Variants in POC5 observed in about 807,000 individuals in gnomAD.
POC5 encodes the protein POC5 centriolar protein.
Under a neutral mutation model 62.9 loss-of-function variants are expected in POC5, and 48 were observed. The ratio of observed to expected loss-of-function variants is 0.76; its 90% CI spans 0.61 to 0.97. The LOEUF is 0.97. Ranked by LOEUF, POC5 falls within the 50% of genes least tolerant of loss-of-function variation. POC5 has a pLI of 0.00. For synonymous variants in POC5, 236 were observed against 228.2 expected (o/e 1.03, Z -0.31); for missense variants, 696 against 679.5 (o/e 1.02, Z -0.27).
intron 5 of POC5, among the ~76,000 whole-genome samples, chr5:75,700,061 A>G (rs932272292): frequency 1.3e-5 from 2 of 151,872 alleles, no homozygotes; most frequent in Non-Finnish European, 2.9e-5. Context: ...GCTCAAGGAA[A>G]TAAAAGAGGA....
intron 6 of POC5, among the ~76,000 whole-genome samples, chr5:75,693,535 T>C (rs1776434544): frequency 6.6e-6 from 1 of 152,174 alleles, no homozygotes; most frequent in South Asian, 2.1e-4. Flanking sequence ...TTCTTTGTGA[T>C]ACTTCAAAAT....
chr5:75,709,223 G>A (rs566064294), intron 2 of POC5, among the ~76,000 whole-genome samples: 1 of 152,282 alleles, frequency 6.6e-6, no homozygotes, highest in Non-Finnish European at 1.5e-5. Context: ...CGACAGAAGA[G>A]GAAGAGAGAG....
chr5:75,690,350 A>T, intron 8 of POC5, 33 bp downstream of exon 8: 2 of 1,555,648 alleles, frequency 1.3e-6, no homozygotes, highest in Non-Finnish European at 1.7e-6. Flanking sequence ...TTATTGTATT[A>T]GAAGAAAGTG....
chr5:75,701,199 A>G (rs1239017207), intron 5 of POC5, among the ~76,000 whole-genome samples: 1 of 142,268 alleles, frequency 7.0e-6, no homozygotes, highest in Non-Finnish European at 1.6e-5. Context: ...ATACCATTTG[A>G]CCCAGCCATC....
intron 10 of POC5, among the ~76,000 whole-genome samples, chr5:75,679,519 A>T (rs1862219): frequency 0.21 from 31,728 of 151,990 alleles, 5,075 homozygotes; most frequent in African/African-American, 0.42. Context: ...ATGTTTTTGG[A>T]AGACCCTATG....
intron 8 of POC5, chr5:75,689,389 G>A: frequency 1.0e-6 from 1 of 985,108 alleles, no homozygotes; most frequent in Non-Finnish European, 1.2e-6. Context: ...GTTCAAACAA[G>A]GGGAATTTTA....
At chr5:75,710,133 A>G (rs772360664) in intron 2 of POC5, among the ~76,000 whole-genome samples, 6 of 152,214 alleles carry the variant, frequency 3.9e-5, no homozygotes, top group Non-Finnish European at 7.3e-5. Context: ...ATGGTACAGC[A>G]AAAAGAGAGA....
chr5:75,677,425 G>A (rs1173082446), intron 11 of POC5: 1 of 155,506 alleles, frequency 6.4e-6, no homozygotes, highest in African/African-American at 2.4e-5. Flanking sequence ...AGCAGCTAGT[G>A]AGTGAACAAT....
In POC5 at chr5:75,702,738, G is replaced by T; in HGVS notation, c.380C>A (p.Ala127Asp). The change falls in exon 5 of 12, where the codon GCT becomes GAT. Residue 127 changes from alanine (A) to aspartate (D), a missense_variant. By Grantham distance (126) the Ala-to-Asp change is moderately radical. Coordinates refer to ENST00000428202, the MANE Select transcript of POC5 (RefSeq NM_001099271.2). ...ATTTGTTGCTGGTGAGGAAGAGTCA[G>T]CTAAAAGATGTGAACTGAAAAAATC... ...VMDFFSSHLLADSSSPATNSS... is the reference protein window; with the variant it reads ...VMDFFSSHLLDDSSSPATNSS... 6.2e-7 allele frequency: 1 copy of T among 1,603,222 alleles called. No individual in the cohort carries two copies. Among genetic ancestry groups the T allele is most frequent in the Non-Finnish European group, 8.5e-7 (1 of 1,174,390 alleles).
In POC5 at chr5:75,717,285, GC is replaced by G. The variant is rs1223792404; in HGVS notation, c.-15+20del. On this transcript the variant is annotated intron_variant, in intron 1 of 11. Coordinates refer to ENST00000428202, the MANE Select transcript of POC5 (RefSeq NM_001099271.2). ...CCAGGGATGCAGGGACGCAGGATCTGCCCGGAGCGCTGCTACCCACCGTCGC... is the reference window on the plus strand; with the variant it reads ...CCAGGGATGCAGGGACGCAGGATCTGCCGGAGCGCTGCTACCCACCGTCGC... 1.3e-5 allele frequency: 2 copies of G among 152,234 alleles called. No individual in the cohort carries two copies. Among genetic ancestry groups the G allele is most frequent in the Non-Finnish European group, 2.9e-5 (2 of 68,100 alleles). 9.4% of individuals were successfully genotyped at this position (152,234 alleles called of 1,614,324 possible).
chr5:75,687,893 G>T (rs1466357972), intron 9 of POC5, among the ~76,000 whole-genome samples: 1 of 152,130 alleles, frequency 6.6e-6, no homozygotes, highest in Non-Finnish European at 1.5e-5. Context: ...ATTGAAGGTG[G>T]TGAGTTTGTT....
chr5:75,713,744 C>G (rs1022568523), intron 1 of POC5, among the ~76,000 whole-genome samples: 1 of 152,074 alleles, frequency 6.6e-6, no homozygotes, highest in African/African-American at 2.4e-5. Context: ...GAGAAGATGA[C>G]CCAGGTGTTG....
chr5:75,715,304 C>T (rs976791060), intron 1 of POC5, among the ~76,000 whole-genome samples: 4 of 117,428 alleles, frequency 3.4e-5, no homozygotes, highest in African/African-American at 1.2e-4. Context: ...AGTGAGACTC[C>T]GTCTCAAAAA....
intron 2 of POC5, among the ~76,000 whole-genome samples, chr5:75,708,831 T>G (rs1220478566): frequency 2.0e-5 from 3 of 152,132 alleles, no homozygotes; most frequent in African/African-American, 7.2e-5. Flanking sequence ...TGATTTACAA[T>G]TTTTTTCTTC....
intron 9 of POC5, among the ~76,000 whole-genome samples, chr5:75,688,503 TA>T (rs1776187097): frequency 6.6e-6 from 1 of 151,972 alleles, no homozygotes; most frequent in Non-Finnish European, 1.5e-5. Flanking sequence ...TGTGGATTTT[TA>T]AAAAAAATAA....
intron 11 of POC5, among the ~76,000 whole-genome samples, chr5:75,674,875 T>A (rs1775594398): frequency 6.6e-6 from 1 of 152,208 alleles, no homozygotes; most frequent in South Asian, 2.1e-4. Context: ...AATCTTGTAA[T>A]GTGTACAGAG....
At chr5:75,705,843 TA>T in intron 3 of POC5, 56 bp from the exon 4 acceptor site, 1 of 1,051,314 alleles carries the variant, frequency 9.5e-7, no homozygotes, top group Non-Finnish European at 1.4e-6. Context: ...ATAAAATGTC[TA>T]ATCACACATA....
intron 4 of POC5, among the ~76,000 whole-genome samples, chr5:75,705,080 G>A (rs1375536608): frequency 1.3e-5 from 2 of 152,086 alleles, no homozygotes; most frequent in African/African-American, 4.8e-5. Context: ...TGTGCCTGTA[G>A]TCCCAGCTAC....
At chr5:75,678,249 C>T (rs2112072150) in intron 10 of POC5, among the ~76,000 whole-genome samples, 1 of 152,000 alleles carries the variant, frequency 6.6e-6, no homozygotes, top group East Asian at 1.9e-4. Context: ...TTGAAAAGTA[C>T]TGTGTGCTCT....
Sources: gnomAD v4.1 joint callset for allele counts (sites outside exome capture counted in the v4.1 genomes callset) on GRCh38, gnomAD v4.1.1 for gene constraint, MANE v1.5 for transcripts, NCBI Gene and HGNC (gene_info 2026-07-23, HGNC 2026-07-21) for gene names.